Variants in ARB2A observed in about 807,000 individuals in gnomAD.
ARB2A encodes ARB2 cotranscriptional regulator A.
chr5:93,873,362 A>AGGG, the ARB2A span, among the ~76,000 whole-genome samples: 4 of 9,646 alleles, frequency 4.1e-4, 1 homozygote, highest in African/African-American at 1.1e-3. Context: ...AAGGAAAGGA[A>AGGG]AGGAAAGGAA....
chr5:93,710,693 T>A, the ARB2A span, among the ~76,000 whole-genome samples: 4 of 152,216 alleles, frequency 2.6e-5, no homozygotes, highest in Admixed American at 6.5e-5. Flanking sequence ...TATTTTTCTT[T>A]TATGGGAAAA....
the ARB2A span, among the ~76,000 whole-genome samples, chr5:93,987,023 A>C: frequency 1.3e-3 from 192 of 152,134 alleles, 1 homozygote; most frequent in African/African-American, 4.5e-3. Context: ...AATACTAAAA[A>C]AATTTAAAAA....
At chr5:93,766,467 T>C in the ARB2A span, among the ~76,000 whole-genome samples, 5 of 152,078 alleles carry the variant, frequency 3.3e-5, no homozygotes, top group Admixed American at 2.0e-4. Flanking sequence ...ATCAGAGAAA[T>C]GCAAATCAAA....
the ARB2A span, among the ~76,000 whole-genome samples, chr5:93,948,284 T>C: frequency 1.1e-4 from 16 of 152,244 alleles, no homozygotes; most frequent in African/African-American, 3.9e-4. Flanking sequence ...CATTTTTTCA[T>C]GTGTTTTTTG....
At chr5:94,101,936 C>T in the ARB2A span, among the ~76,000 whole-genome samples, 5,693 of 150,788 alleles carry the variant, frequency 0.038, 154 homozygotes, top group Middle Eastern at 0.071. Flanking sequence ...TATCCCCAAA[C>T]CTAAAATAAT....
the ARB2A span, chr5:93,620,502 A>T: frequency 6.6e-6 from 1 of 152,386 alleles, no homozygotes. Flanking sequence ...GTGGGTAATA[A>T]GATGCCCTCA....
At chr5:94,041,544 T>A in the ARB2A span, among the ~76,000 whole-genome samples, 7 of 152,188 alleles carry the variant, frequency 4.6e-5, no homozygotes, top group Non-Finnish European at 7.3e-5. Flanking sequence ...GAGCTTAAAT[T>A]AAATACATTG....
At chr5:93,728,335 C>T in the ARB2A span, among the ~76,000 whole-genome samples, 7 of 152,092 alleles carry the variant, frequency 4.6e-5, no homozygotes, top group Non-Finnish European at 1.0e-4. Context: ...TAGGCATTCT[C>T]TCATATAATG....
the ARB2A span, among the ~76,000 whole-genome samples, chr5:93,835,457 C>T: frequency 6.6e-6 from 1 of 152,152 alleles, no homozygotes; most frequent in African/African-American, 2.4e-5. Context: ...GTAAGTACTC[C>T]TATAATATAC....
At chr5:93,658,942 T>TA in the ARB2A span, among the ~76,000 whole-genome samples, 2 of 142,348 alleles carry the variant, frequency 1.4e-5, no homozygotes, top group South Asian at 2.3e-4. Context: ...AGGGATAGGG[T>TA]ATGGTTAGTA....
chr5:93,741,970 T>C, the ARB2A span, among the ~76,000 whole-genome samples: 1 of 152,118 alleles, frequency 6.6e-6, no homozygotes, highest in South Asian at 2.1e-4. Context: ...TAAATATCTA[T>C]ATGCCAGATA....
At chr5:94,091,763 C>T in the ARB2A span, among the ~76,000 whole-genome samples, 1 of 152,084 alleles carries the variant, frequency 6.6e-6, no homozygotes. Context: ...TGTGGACGCT[C>T]ACTTAGTTTG....
At chr5:94,005,114 A>T in the ARB2A span, among the ~76,000 whole-genome samples, 1 of 151,728 alleles carries the variant, frequency 6.6e-6, no homozygotes, top group Admixed American at 6.6e-5. Flanking sequence ...TGAAAAATTG[A>T]AAAAAATAGG....
chr5:93,996,900 A>G, the ARB2A span, among the ~76,000 whole-genome samples: 1 of 152,018 alleles, frequency 6.6e-6, no homozygotes, highest in Admixed American at 6.6e-5. Flanking sequence ...GTGAAGTGTA[A>G]TTCTTGTTCT....
the ARB2A span, among the ~76,000 whole-genome samples, chr5:93,700,719 C>T: frequency 6.6e-6 from 1 of 152,046 alleles, no homozygotes; most frequent in East Asian, 1.9e-4. Context: ...TTATCTTATT[C>T]CCGTTTCCTT....
the ARB2A span, among the ~76,000 whole-genome samples, chr5:93,726,451 G>C: frequency 2.0e-5 from 3 of 151,962 alleles, no homozygotes; most frequent in Non-Finnish European, 4.4e-5. Context: ...GTTTCTCTAG[G>C]ATTATGCTGA....
the ARB2A span, among the ~76,000 whole-genome samples, chr5:93,963,775 C>A: frequency 2.0e-5 from 3 of 151,930 alleles, no homozygotes; most frequent in African/African-American, 7.2e-5. Context: ...CCAATCTAGT[C>A]CAACCACCGT....
the ARB2A span, among the ~76,000 whole-genome samples, chr5:93,870,750 G>T: frequency 1.3e-5 from 2 of 152,172 alleles, no homozygotes; most frequent in African/African-American, 4.8e-5. Context: ...AGTGGAGGTT[G>T]GAGGGAAGCC....
chr5:94,079,347 G>A, the ARB2A span, among the ~76,000 whole-genome samples: 2 of 152,180 alleles, frequency 1.3e-5, no homozygotes, highest in Non-Finnish European at 1.5e-5. Context: ...AAGATGACCA[G>A]TTCTATTCTT....
Sources: allele counts gnomAD v4.1 joint callset (sites outside exome capture counted in the v4.1 genomes callset), GRCh38; gene constraint gnomAD v4.1.1; transcripts MANE v1.5; gene names NCBI Gene and HGNC (gene_info 2026-07-23, HGNC 2026-07-21).